The following PCDHA10 variants were observed in gnomAD, a reference collection of about 807,000 sequenced individuals.
PCDHA10 encodes protocadherin alpha-10.
Under a neutral mutation model 61.2 loss-of-function variants are expected in PCDHA10, and 45 were observed. That is an observed-to-expected ratio of 0.74 (90% confidence interval 0.58 to 0.94). The LOEUF is 0.94. Among genes scored for constraint, PCDHA10 ranks in the 40% least tolerant of loss-of-function variants. The probability of loss-of-function intolerance (pLI) is 0.00; values close to 1 mark genes in which losing one functional copy is unlikely to be tolerated. For synonymous variants in PCDHA10, 602 were observed against 548.8 expected, an observed-to-expected ratio of 1.10 and a Z score of -1.35; for missense variants, 1,278 against 1,236.2, an observed-to-expected ratio of 1.03 and a Z score of -0.51.
At chr5:140,876,173 A>T (rs369965805) in intron 1 of PCDHA10, 66 of 1,613,862 alleles carry the variant, frequency 4.1e-5, no homozygotes, top group Middle Eastern at 1.6e-4. Context: ...ACCGTCCTGG[A>T]TGTGAATGAC....
At position 140,864,979 on chromosome 5, in the gene PCDHA10, CTTGAGACCAGGAGT is replaced by C. The variant is rs2153225793; in HGVS notation, c.2388+6554_2388+6567del. 3.3e-5 allele frequency: 5 copies of C among 152,266 alleles called. No homozygotes were observed. In the South Asian group the frequency reaches 1.0e-3, roughly 32 times the overall value. The allele number at this position is 152,266 out of a possible 1,614,324, so 9.4% of individuals were successfully genotyped here. A position where few individuals can be genotyped will look rare whatever the true frequency, so the allele number is the denominator to read the frequency against. On this transcript the variant is annotated intron_variant, in intron 1 of 3. Coordinates refer to ENST00000307360, the MANE Select transcript of PCDHA10 (RefSeq NM_018901.4). ...TTGGGAAGCCGAGGGAGGAGGATCG[CTTGAGACCAGGAGT>C]TTGAGACCAGCCTCGGCAACATAGT...
intron 1 of PCDHA10, among the ~76,000 whole-genome samples, chr5:140,975,429 C>T (rs1006180121): frequency 2.6e-5 from 4 of 152,208 alleles, no homozygotes; most frequent in African/African-American, 9.6e-5. Flanking sequence ...AGGGTGTGCA[C>T]ACCAGGATAT....
chr5:140,979,147 C>A (rs2096836802), intron 2 of PCDHA10, 140 bp downstream of exon 2: 2 of 1,442,248 alleles, frequency 1.4e-6, no homozygotes, highest in African/African-American at 2.9e-5. Flanking sequence ...ATTATTTTGT[C>A]CCCATGTTTA....
chr5:141,000,005 C>T (rs2097888446), intron 3 of PCDHA10, among the ~76,000 whole-genome samples: 1 of 152,024 alleles, frequency 6.6e-6, no homozygotes. Context: ...ATTAGATTGG[C>T]CTCCCCATTG....
intron 1 of PCDHA10, among the ~76,000 whole-genome samples, chr5:140,945,880 A>G (rs1210743057): frequency 6.6e-6 from 1 of 152,136 alleles, no homozygotes; most frequent in Non-Finnish European, 1.5e-5. Flanking sequence ...TAAAACTAAC[A>G]AAGAAAACAC....
chr5:140,917,449 C>G (rs1290889939), intron 1 of PCDHA10, among the ~76,000 whole-genome samples: 1 of 152,006 alleles, frequency 6.6e-6, no homozygotes, highest in Admixed American at 6.6e-5. Context: ...GCTGCAAGAG[C>G]GTTTGGCATC....
intron 1 of PCDHA10, among the ~76,000 whole-genome samples, chr5:140,969,883 A>G (rs1161815776): frequency 6.6e-6 from 1 of 152,204 alleles, no homozygotes; most frequent in African/African-American, 2.4e-5. Flanking sequence ...ATGTGATAGG[A>G]TCCTCTGGAA....
intron 1 of PCDHA10, among the ~76,000 whole-genome samples, chr5:140,900,747 CTTGGTAGCTCTATT>C (rs545406022): frequency 3.1e-4 from 47 of 152,302 alleles, no homozygotes; most frequent in African/African-American, 1.1e-3. Flanking sequence ...TTCTGGATCA[CTTGGTAGCTCTATT>C]TTTGGCTTTT....
intron 2 of PCDHA10, among the ~76,000 whole-genome samples, chr5:140,981,654 A>ATTTCTTCCTTCC (rs563193906): frequency 2.0e-5 from 3 of 152,026 alleles, no homozygotes; most frequent in Non-Finnish European, 2.9e-5. Context: ...GATCCCACTT[A>ATTTCTTCCTTCC]TTTCTTCCTT....
intron 1 of PCDHA10, among the ~76,000 whole-genome samples, chr5:140,946,079 G>A (rs2093884371): frequency 6.6e-6 from 1 of 151,926 alleles, no homozygotes; most frequent in African/African-American, 2.4e-5. Context: ...GCAAACCACA[G>A]ATCTGATAAG....
chr5:140,966,259 G>A (rs1358322921), intron 1 of PCDHA10: 1 of 340,612 alleles, frequency 2.9e-6, no homozygotes, highest in Non-Finnish European at 5.3e-6. Context: ...AGACGGTGGA[G>A]ACTGGATGAA....
chr5:140,988,751 T>C (rs1433769306), intron 3 of PCDHA10, among the ~76,000 whole-genome samples: 2 of 152,198 alleles, frequency 1.3e-5, no homozygotes, highest in Non-Finnish European at 2.9e-5. Flanking sequence ...ATTGGTGGCC[T>C]GGGCAGAATA....
intron 1 of PCDHA10, chr5:140,884,308 G>C: frequency 6.2e-7 from 1 of 1,613,766 alleles, no homozygotes; most frequent in Non-Finnish European, 8.5e-7. Flanking sequence ...AGGCTTCGTC[G>C]AGGGCGTCGG....
intron 1 of PCDHA10, chr5:140,967,716 T>C: frequency 1.2e-6 from 2 of 1,613,914 alleles, no homozygotes; most frequent in Non-Finnish European, 1.7e-6. Context: ...ACCGGGGAAG[T>C]GCGAGTAATT....
In PCDHA10 at chr5:140,927,579, C is replaced by T. The variant is rs369243383; in HGVS notation, c.2389-51370C>T. The T allele has an allele frequency of 3.2e-4, 517 of 1,614,178 alleles. 2 individuals are homozygous for T. Among genetic ancestry groups the T allele is most frequent in the Non-Finnish European group, 4.1e-4 (483 of 1,180,030 alleles). On this transcript the variant is annotated intron_variant, in intron 1 of 3. Coordinates refer to ENST00000307360, the MANE Select transcript of PCDHA10 (RefSeq NM_018901.4). ...TCATTGTGGTGGACACAAATGACAA[C>T]GCGCCTGTATTTGAGCGCTCCGTAT...
intron 1 of PCDHA10, among the ~76,000 whole-genome samples, chr5:140,936,335 A>G (rs1278918836): frequency 2.0e-5 from 3 of 152,176 alleles, no homozygotes; most frequent in South Asian, 2.1e-4. Context: ...AATTTTCTCT[A>G]TCTGCATATA....
At chr5:140,920,011 C>T (rs782647025) in intron 1 of PCDHA10, among the ~76,000 whole-genome samples, 2 of 152,088 alleles carry the variant, frequency 1.3e-5, no homozygotes, top group Non-Finnish European at 2.9e-5. Context: ...AAAGGCCATG[C>T]GAAGATGGAG....
chr5:140,930,092 A>G (rs1554207604), intron 1 of PCDHA10: 1 of 152,204 alleles, frequency 6.6e-6, no homozygotes, highest in East Asian at 1.9e-4. Context: ...ACATCTATTT[A>G]TACTGATAGG....
intron 1 of PCDHA10, chr5:140,862,791 G>A (rs782639549): frequency 1.7e-6 from 1 of 578,844 alleles, no homozygotes; most frequent in Non-Finnish European, 3.3e-6. Context: ...TGGACTACGA[G>A]GAGCTGGAGC....
Sources: gnomAD v4.1 joint callset for allele counts (sites outside exome capture counted in the v4.1 genomes callset) on GRCh38, gnomAD v4.1.1 for gene constraint, MANE v1.5 for transcripts, NCBI Gene and HGNC (gene_info 2026-07-23, HGNC 2026-07-21) for gene names.